Variants in CACNA1D observed in about 807,000 individuals in gnomAD.
The protein encoded by CACNA1D is calcium voltage-gated channel subunit alpha1 D.
In CACNA1D, 55 loss-of-function variants were observed where a neutral mutation model predicts 257.1. The observed-to-expected ratio is 0.21, with a 90% CI of 0.17 to 0.27. The LOEUF is 0.27. CACNA1D is among the 10% of genes least tolerant of loss of function. The pLI is 1.00. For missense variants in CACNA1D, 1,876 were observed against 2,784.0 expected, an observed-to-expected ratio of 0.67 and a Z score of 7.34; for synonymous variants, 980 against 1,014.9, an observed-to-expected ratio of 0.97 and a Z score of 0.65.
chr3:53,807,563 C>G (rs149594007), intron 45 of CACNA1D: 1 of 152,256 alleles, frequency 6.6e-6, no homozygotes, highest in Non-Finnish European at 1.5e-5. Flanking sequence ...CCCTGTGATC[C>G]GAGAAAAGCA....
intron 44 of CACNA1D, among the ~76,000 whole-genome samples, chr3:53,803,851 G>A (rs997305698): frequency 6.6e-6 from 1 of 152,216 alleles, no homozygotes; most frequent in African/African-American, 2.4e-5. Context: ...CTGCTTCGTG[G>A]CTGGGTTAAT....
At chr3:53,587,853 C>G (rs2093244740) in intron 3 of CACNA1D, among the ~76,000 whole-genome samples, 1 of 152,160 alleles carries the variant, frequency 6.6e-6, no homozygotes, top group Non-Finnish European at 1.5e-5. Flanking sequence ...AACAAATATA[C>G]TTAATGTTAT....
rs1253180988 is a variant in CACNA1D, at chr3:53,730,471, G to T, written c.2251G>T (p.Ala751Ser). 2 of 1,613,442 alleles carry T rather than the reference G, an allele frequency of 1.2e-6. No individual in the cohort carries two copies. ...YILLNVFLAI[A>S]VDNLADAESL... ...TCTACTGAATGTCTTCTTGGCCATC[G>T]CTGTAGACAATTTGGCTGATGCTGA... The change falls in exon 16 of 48, where the codon GCT (alanine) becomes TCT (serine). Residue 751 changes from alanine (A) to serine (S), a missense_variant. By Grantham distance (99) the Ala-to-Ser change is moderately conservative. This residue lies in a region of CACNA1D where 257 missense variants were observed against 399.7 expected (regional missense o/e 0.64). Transcript: ENST00000350061.
At chr3:53,625,257 T>C (rs2093743685) in intron 3 of CACNA1D, among the ~76,000 whole-genome samples, 1 of 152,224 alleles carries the variant, frequency 6.6e-6, no homozygotes, top group Non-Finnish European at 1.5e-5. Context: ...GTCTGAGCAC[T>C]GGTGCTGATG....
chr3:53,650,660 T>A, intron 3 of CACNA1D, 119 bp from the exon 4 acceptor site: 1 of 1,062,332 alleles, frequency 9.4e-7, no homozygotes, highest in East Asian at 2.4e-5. Flanking sequence ...AATGAAACTT[T>A]GTTTGGAGGG....
At chr3:53,629,075 G>A (rs981774347) in intron 3 of CACNA1D, among the ~76,000 whole-genome samples, 1 of 152,156 alleles carries the variant, frequency 6.6e-6, no homozygotes, top group Non-Finnish European at 1.5e-5. Context: ...TTTCTGTCAC[G>A]GCTACTCAGG....
intron 32 of CACNA1D, among the ~76,000 whole-genome samples, chr3:53,771,101 G>A (rs1379464481): frequency 2.0e-5 from 3 of 152,188 alleles, no homozygotes; most frequent in African/African-American, 7.2e-5. Context: ...GGCTGGCACA[G>A]CTCGGTTCTA....
chr3:53,771,058 C>T (rs2095363686), intron 32 of CACNA1D, among the ~76,000 whole-genome samples: 1 of 152,236 alleles, frequency 6.6e-6, no homozygotes, highest in African/African-American at 2.4e-5. Context: ...TTTGGGCATA[C>T]ACCATGTCTC....
chr3:53,770,429 T>C lies in CACNA1D; in HGVS notation c.3921T>C (p.Ser1307=). The change falls in exon 32 of 48, where the codon TCT becomes TCC. Residue 1307 remains serine, a synonymous_variant. Coordinates refer to ENST00000350061, the MANE Select transcript of CACNA1D (RefSeq NM_001128840.3). ...VPVPTATPGN[S]EESNRISITF... The stretch of plus-strand genomic sequence containing the variant: ...TCTCCATGATAACCCTTCAGAACTC[T>C]GAAGAGAGCAATAGAATCTCCATCA... The C allele has an allele frequency of 6.2e-7, 1 of 1,614,062 alleles. No individual in the cohort carries two copies. Among genetic ancestry groups the C allele is most frequent in the Non-Finnish European group, 8.5e-7 (1 of 1,179,886 alleles).
At chr3:53,803,912 T>G (rs920427511) in intron 44 of CACNA1D, among the ~76,000 whole-genome samples, 1 of 152,194 alleles carries the variant, frequency 6.6e-6, no homozygotes, top group East Asian at 1.9e-4. Flanking sequence ...GAATTAACAC[T>G]TGGAGCTCTG....
At chr3:53,666,580 A>T in intron 7 of CACNA1D, 45 bp downstream of exon 7, 3 of 1,541,320 alleles carry the variant, frequency 1.9e-6, no homozygotes, top group Non-Finnish European at 2.7e-6. Context: ...CTTTGCTTGG[A>T]TAAGTGGGTT....
chr3:53,555,944 C>T (rs1052864645), intron 3 of CACNA1D, among the ~76,000 whole-genome samples: 3 of 152,096 alleles, frequency 2.0e-5, no homozygotes, highest in Non-Finnish European at 4.4e-5. Context: ...ACAGTTTTGT[C>T]CCCCGCAAAA....
intron 12 of CACNA1D, among the ~76,000 whole-genome samples, 180 bp downstream of exon 12, chr3:53,722,654 G>C (rs1017748070): frequency 1.3e-5 from 2 of 152,204 alleles, no homozygotes; most frequent in South Asian, 4.1e-4. Flanking sequence ...TCTGTGCCGC[G>C]TGGTGAAGCA....
chr3:53,719,699 A>G (rs2094860764), intron 10 of CACNA1D, 56 bp from the exon 11 acceptor site: 1 of 1,464,168 alleles, frequency 6.8e-7, no homozygotes, highest in Non-Finnish European at 9.6e-7. Flanking sequence ...AATGATGGGG[A>G]GTGTGTGCTC....
At chr3:53,574,331 AC>A (rs2092999110) in intron 3 of CACNA1D, among the ~76,000 whole-genome samples, 1 of 151,530 alleles carries the variant, frequency 6.6e-6, no homozygotes, top group Non-Finnish European at 1.5e-5. Flanking sequence ...TCTCCTTTGA[AC>A]CCTTCTCACC....
chr3:53,574,897 C>G (rs56942924), intron 3 of CACNA1D, among the ~76,000 whole-genome samples: 1 of 152,218 alleles, frequency 6.6e-6, no homozygotes, highest in South Asian at 2.1e-4. Context: ...CTCAGACCAA[C>G]GTGACAGGCT....
intron 32 of CACNA1D, 132 bp from the exon 33 acceptor site, chr3:53,772,701 T>A (rs1267564131): frequency 1.4e-6 from 1 of 720,934 alleles, no homozygotes; most frequent in African/African-American, 1.7e-5. Context: ...TCTTCCTCAC[T>A]GTCGATATTC....
intron 30 of CACNA1D, among the ~76,000 whole-genome samples, chr3:53,764,326 C>A (rs1377951727): frequency 6.6e-6 from 1 of 152,202 alleles, no homozygotes; most frequent in Non-Finnish European, 1.5e-5. Context: ...TCTCACAACG[C>A]AAAGTGCTTA....
chr3:53,719,924 G>C (rs1357633381), intron 11 of CACNA1D, 143 bp downstream of exon 11: 1 of 837,044 alleles, frequency 1.2e-6, no homozygotes, highest in Admixed American at 1.7e-5. Flanking sequence ...TCAGTCAATT[G>C]AATCCTATGA....
Sources: gnomAD v4.1 joint callset for allele counts (sites outside exome capture counted in the v4.1 genomes callset) on GRCh38, gnomAD v4.1.1 for gene constraint, gnomAD v4.1.1 regional missense constraint, MANE v1.5 for transcripts, NCBI Gene and HGNC (gene_info 2026-07-23, HGNC 2026-07-21) for gene names.